Variants in REPS2 observed in about 807,000 individuals in gnomAD.
REPS2 encodes the protein RALBP1 associated Eps domain containing 2.
REPS2 carries 23 observed loss-of-function variants against 53.6 expected under a neutral mutation model. The observed-to-expected ratio is 0.43, with a 90% CI of 0.31 to 0.61. REPS2 has a LOEUF of 0.61. REPS2 is among the 20% of genes least tolerant of loss of function. The pLI, the probability that REPS2 is intolerant of heterozygous loss-of-function variation, is 0.11. For synonymous variants in REPS2, 238 were observed against 218.6 expected (o/e 1.09, Z -0.78); for missense variants, 446 against 534.9 (o/e 0.83, Z 1.64).
intron 1 of REPS2, among the ~76,000 whole-genome samples, chrX:16,966,757 T>G (rs772708315): frequency 1.6e-3 from 182 of 112,629 alleles, no homozygotes; most frequent in Admixed American, 4.2e-3. Flanking sequence ...TGCCTTTGTC[T>G]TTTCTGTTGG....
In REPS2 at chrX:17,091,647, C is replaced by T. The variant is rs151303152; in HGVS notation, c.1517-12071C>T. ...TAGAGAATTAAATGAGCTTGTATTT[C>T]GGGGGGTGGTGTGTGGTCATCAGGG... On this transcript the variant is annotated intron_variant, in intron 13 of 17. Coordinates refer to ENST00000357277, the MANE Select transcript of REPS2 (RefSeq NM_004726.3). 1.5e-4 allele frequency among the ~76,000 whole-genome samples: 17 copies of T among 111,244 alleles called. No individual in the cohort carries two copies. In the East Asian group the frequency reaches 3.1e-3, roughly 20 times the overall value.
intron 1 of REPS2, among the ~76,000 whole-genome samples, chrX:16,987,910 G>C (rs959721390): frequency 1.8e-5 from 2 of 111,294 alleles, no homozygotes; most frequent in Non-Finnish European, 3.8e-5. Flanking sequence ...TCTCATCACT[G>C]TTTTTCAGCG....
At chrX:16,988,183 G>A (rs1400316412) in intron 1 of REPS2, among the ~76,000 whole-genome samples, 1 of 111,543 alleles carries the variant, frequency 9.0e-6, no homozygotes, top group Non-Finnish European at 1.9e-5. Context: ...TTGGGAGGCT[G>A]AGGTGGGAGG....
At chrX:17,022,350 G>A (rs1028058158) in intron 3 of REPS2, 79 bp downstream of exon 3, 109 of 931,906 alleles carry the variant, frequency 1.2e-4, no homozygotes, top group Middle Eastern at 2.8e-4. Context: ...CTACTGTTCA[G>A]CTTCCAGCAA....
chrX:17,025,759 C>T (rs775798491), intron 4 of REPS2, among the ~76,000 whole-genome samples: 1 of 111,355 alleles, frequency 9.0e-6, no homozygotes, highest in Non-Finnish European at 1.9e-5. Context: ...CTGCTGGCCT[C>T]GTTAGGTGGT....
intron 1 of REPS2, among the ~76,000 whole-genome samples, chrX:16,974,253 G>A (rs1421044871): frequency 9.0e-6 from 1 of 111,395 alleles, no homozygotes; most frequent in Non-Finnish European, 1.9e-5. Context: ...TGACTTTTTA[G>A]TTTCCTTTGA....
At chrX:17,088,773 C>T (rs779028074) in intron 13 of REPS2, among the ~76,000 whole-genome samples, 55 of 109,226 alleles carry the variant, frequency 5.0e-4, no homozygotes, top group Non-Finnish European at 8.4e-4. Flanking sequence ...TTAGTAGAGA[C>T]GGGGTTTCAC....
chrX:17,050,167 T>C (rs2061967867), intron 6 of REPS2, among the ~76,000 whole-genome samples: 2 of 46,642 alleles, frequency 4.3e-5, no homozygotes, highest in African/African-American at 2.1e-4. Flanking sequence ...TCTTTCTTTC[T>C]TTCTTTCTTT....
At chrX:17,188,026 G>A in the REPS2 span, among the ~76,000 whole-genome samples, 4 of 111,666 alleles carry the variant, frequency 3.6e-5, no homozygotes, top group Non-Finnish European at 5.6e-5. Flanking sequence ...AGGTATAAGC[G>A]TCGCTGAGTT....
chrX:17,146,643 G>T (rs1018675788), intron 17 of REPS2, among the ~76,000 whole-genome samples: 1 of 111,936 alleles, frequency 8.9e-6, no homozygotes, highest in Non-Finnish European at 1.9e-5. Flanking sequence ...GAAACCAAGA[G>T]ACTTCCGGCT....
intron 13 of REPS2, among the ~76,000 whole-genome samples, chrX:17,100,765 A>T (rs1314427018): frequency 8.9e-6 from 1 of 111,936 alleles, no homozygotes; most frequent in African/African-American, 3.2e-5. Flanking sequence ...TGAAAAGAGG[A>T]AACAAAGCTG....
chrX:17,000,401 G>A (rs2061292141), intron 1 of REPS2, among the ~76,000 whole-genome samples: 2 of 111,846 alleles, frequency 1.8e-5, no homozygotes, highest in South Asian at 7.5e-4. Context: ...AAGTAGCTGG[G>A]ACTACAGGCA....
At chrX:17,171,236 G>A in the REPS2 span, among the ~76,000 whole-genome samples, 1 of 111,811 alleles carries the variant, frequency 8.9e-6, no homozygotes, top group East Asian at 2.8e-4. Flanking sequence ...AGCTCCCAGA[G>A]GCCTCTGGAA....
intron 1 of REPS2, among the ~76,000 whole-genome samples, chrX:16,953,221 G>T (rs1444924047): frequency 8.9e-6 from 1 of 111,758 alleles, no homozygotes; most frequent in Non-Finnish European, 1.9e-5. Flanking sequence ...AAAAGAGAAT[G>T]AATGCCAGCA....
At chrX:16,987,946 A>C (rs143480324) in intron 1 of REPS2, among the ~76,000 whole-genome samples, 1 of 111,405 alleles carries the variant, frequency 9.0e-6, no homozygotes, top group Non-Finnish European at 1.9e-5. Context: ...CAACCAGTGC[A>C]ATAAGGCAAG....
chrX:17,003,473 C>T (rs1253506984), intron 1 of REPS2, among the ~76,000 whole-genome samples: 1 of 111,146 alleles, frequency 9.0e-6, no homozygotes, highest in Admixed American at 9.5e-5. Flanking sequence ...GTGAAGAGTC[C>T]CAGAAGCCCT....
At chrX:17,194,759 T>A in the REPS2 span, among the ~76,000 whole-genome samples, 544 of 111,840 alleles carry the variant, frequency 4.9e-3, 6 homozygotes, top group African/African-American at 0.017. Context: ...CCAAGTAAGT[T>A]CTACAAATTC....
intron 13 of REPS2, among the ~76,000 whole-genome samples, chrX:17,094,036 T>C (rs1467815082): frequency 8.9e-6 from 1 of 112,013 alleles, no homozygotes; most frequent in Non-Finnish European, 1.9e-5. Context: ...CCTTCCTCTT[T>C]TTCCCATGTT....
chrX:17,097,380 A>G (rs1471359985), intron 13 of REPS2, among the ~76,000 whole-genome samples: 1 of 112,390 alleles, frequency 8.9e-6, no homozygotes, highest in Non-Finnish European at 1.9e-5. Context: ...ATAAACTGTA[A>G]TGGAAATTAG....
Sources: allele counts gnomAD v4.1 joint callset (sites outside exome capture counted in the v4.1 genomes callset), GRCh38; gene constraint gnomAD v4.1.1; transcripts MANE v1.5; gene names NCBI Gene and HGNC (gene_info 2026-07-23, HGNC 2026-07-21).